Variants in ELK3 observed in about 807,000 individuals in gnomAD.
ELK3 encodes ETS domain-containing protein Elk-3.
In ELK3, 10 loss-of-function variants were observed where a neutral mutation model predicts 28.9. The ratio of observed to expected loss-of-function variants is 0.35; its 90% CI spans 0.21 to 0.59. ELK3 has a LOEUF of 0.59. Among genes scored for constraint, ELK3 ranks in the 20% least tolerant of loss-of-function variants. The pLI is 0.82. For synonymous variants in ELK3, 272 were observed against 243.5 expected, an observed-to-expected ratio of 1.12 and a Z score of -1.09; for missense variants, 463 against 517.3, an observed-to-expected ratio of 0.90 and a Z score of 1.02.
At chr12:96,248,246 ACAG>A (rs1180087116) in intron 3 of ELK3, among the ~76,000 whole-genome samples, 1 of 152,224 alleles carries the variant, frequency 6.6e-6, no homozygotes, top group African/African-American at 2.4e-5. Context: ...GCCACCCCAA[ACAG>A]CTGCTTCGCT....
chr12:96,210,593 A>C (rs904689159), intron 1 of ELK3, among the ~76,000 whole-genome samples: 3 of 148,972 alleles, frequency 2.0e-5, no homozygotes, highest in African/African-American at 5.0e-5. Flanking sequence ...ACACACACAC[A>C]CACACCCCGA....
intron 2 of ELK3, among the ~76,000 whole-genome samples, chr12:96,224,185 A>ATT (rs1951682973): frequency 6.6e-6 from 1 of 152,196 alleles, no homozygotes; most frequent in Non-Finnish European, 1.5e-5. Flanking sequence ...TTGGCAGATT[A>ATT]TTTTTTAACA....
chr12:96,232,397 C>T (rs1234603999), intron 2 of ELK3, among the ~76,000 whole-genome samples: 1 of 151,882 alleles, frequency 6.6e-6, no homozygotes, highest in Non-Finnish European at 1.5e-5. Flanking sequence ...GGTGAAAACC[C>T]CGTCTCTACT....
chr12:96,212,771 C>T (rs1951586280), intron 1 of ELK3: 1 of 152,144 alleles, frequency 6.6e-6, no homozygotes, highest in Non-Finnish European at 1.5e-5. Flanking sequence ...GCATAGTGCA[C>T]ACTCTGTGTG....
chr12:96,214,414 G>A (rs1951596252), intron 1 of ELK3, among the ~76,000 whole-genome samples: 1 of 151,464 alleles, frequency 6.6e-6, no homozygotes, highest in Non-Finnish European at 1.5e-5. Context: ...CTGGGCGACA[G>A]AGCAAGACTC....
intron 1 of ELK3, among the ~76,000 whole-genome samples, chr12:96,212,257 C>T (rs1384035644): frequency 2.0e-5 from 3 of 152,180 alleles, no homozygotes; most frequent in African/African-American, 7.2e-5. Flanking sequence ...GGACGTGCTT[C>T]AAGCTAGAAT....
intron 1 of ELK3, among the ~76,000 whole-genome samples, chr12:96,196,134 C>T (rs1225421131): frequency 6.6e-6 from 1 of 152,204 alleles, no homozygotes; most frequent in South Asian, 2.1e-4. Flanking sequence ...CAACTAATCT[C>T]ATTAGGAGTT....
At chr12:96,210,597 A>AACCCCCCC (rs1951571498) in intron 1 of ELK3, among the ~76,000 whole-genome samples, 1 of 148,958 alleles carries the variant, frequency 6.7e-6, no homozygotes, top group Non-Finnish European at 1.5e-5. Flanking sequence ...ACACACACAC[A>AACCCCCCC]CCCCGAGTGG....
chr12:96,204,374 T>C (rs1392957961), intron 1 of ELK3, among the ~76,000 whole-genome samples: 6 of 152,180 alleles, frequency 3.9e-5, no homozygotes, highest in African/African-American at 1.4e-4. Context: ...ATGTTTCTGA[T>C]TGAGTTTGGA....
chr12:96,196,933 C>T (rs892488264), intron 1 of ELK3, among the ~76,000 whole-genome samples: 28 of 151,892 alleles, frequency 1.8e-4, no homozygotes, highest in Admixed American at 8.5e-4. Flanking sequence ...ACAGCCCGAC[C>T]GGGGTATGAG....
chr12:96,263,230 C>T (rs568370748), intron 4 of ELK3, among the ~76,000 whole-genome samples: 10 of 152,010 alleles, frequency 6.6e-5, no homozygotes, highest in East Asian at 1.9e-4. Context: ...AGAGAGAAGA[C>T]GCCTTTCTGG....
chr12:96,202,957 A>C (rs1009689979), intron 1 of ELK3, among the ~76,000 whole-genome samples: 1 of 151,996 alleles, frequency 6.6e-6, no homozygotes, highest in Admixed American at 6.6e-5. Context: ...ATCTCAGCTC[A>C]CTGCAACCTC....
intron 1 of ELK3, among the ~76,000 whole-genome samples, chr12:96,199,275 C>G (rs1043959065): frequency 4.6e-5 from 7 of 152,194 alleles, no homozygotes; most frequent in African/African-American, 1.7e-4. Context: ...TACATTTTAA[C>G]AACTCCTATT....
At chr12:96,260,408 C>T (rs2137043058) in intron 4 of ELK3, among the ~76,000 whole-genome samples, 1 of 152,278 alleles carries the variant, frequency 6.6e-6, no homozygotes, top group Admixed American at 6.5e-5. Flanking sequence ...TGAACAATTT[C>T]CCCATCCTGG....
intron 1 of ELK3, among the ~76,000 whole-genome samples, chr12:96,203,948 A>T (rs1951523439): frequency 6.6e-6 from 1 of 152,144 alleles, no homozygotes; most frequent in African/African-American, 2.4e-5. Flanking sequence ...CTCAAAATGA[A>T]AACCCATAAA....
chr12:96,201,809 C>T (rs893639882), intron 1 of ELK3, among the ~76,000 whole-genome samples: 2 of 152,088 alleles, frequency 1.3e-5, no homozygotes, highest in Admixed American at 6.6e-5. Context: ...GGGGGATCTC[C>T]ATAAGTTTCC....
At chr12:96,235,104 C>T (rs2137024331) in intron 2 of ELK3, among the ~76,000 whole-genome samples, 1 of 152,202 alleles carries the variant, frequency 6.6e-6, no homozygotes. Flanking sequence ...TGGCACTCCT[C>T]TGCGTGTGCG....
At position 96,268,150 on chromosome 12, in the gene ELK3, A is replaced by C. The variant is rs1952055154; in HGVS notation, c.*970A>C. 1.3e-5 allele frequency: 2 copies of C among 152,248 alleles called. No homozygotes were observed. The highest frequency in any genetic ancestry group is 6.5e-5 in the Admixed American group (1 of 15,282). 9.4% of individuals were successfully genotyped at this position (152,248 alleles called of 1,614,324 possible). A position where few individuals can be genotyped will look rare whatever the true frequency, so the allele number is the denominator to read the frequency against. On this transcript the variant is annotated 3_prime_UTR_variant, in exon 5 of 5. Transcript: ENST00000228741. The stretch of plus-strand genomic sequence containing the variant: ...TTTAAAAAATCTAATGCTTTAGAAG[A>C]AGCTCACAGAGTGGTGATGAACCCA...
chr12:96,248,587 GCT>G (rs1253289694), intron 3 of ELK3, among the ~76,000 whole-genome samples: 1 of 152,208 alleles, frequency 6.6e-6, no homozygotes, highest in African/African-American at 2.4e-5. Context: ...GTGGGCGGTT[GCT>G]CTCTGGGCCA....
Sources: gnomAD v4.1 joint callset for allele counts (sites outside exome capture counted in the v4.1 genomes callset) on GRCh38, gnomAD v4.1.1 for gene constraint, MANE v1.5 for transcripts, NCBI Gene and HGNC (gene_info 2026-07-23, HGNC 2026-07-21) for gene names.